Variants in CFAP95 observed in about 807,000 individuals in gnomAD.
The protein encoded by CFAP95 is cilia- and flagella-associated protein 95.
At chr9:69,828,539 C>A in the CFAP95 span, among the ~76,000 whole-genome samples, 13 of 152,032 alleles carry the variant, frequency 8.6e-5, no homozygotes, top group Non-Finnish European at 1.3e-4. Flanking sequence ...AAAAATTAGC[C>A]GGGTGTGGTG....
At chr9:69,841,410 G>C in the CFAP95 span, among the ~76,000 whole-genome samples, 7 of 151,752 alleles carry the variant, frequency 4.6e-5, no homozygotes, top group Non-Finnish European at 8.8e-5. Flanking sequence ...CAAATTATTG[G>C]ATTTGGATTT....
chr9:69,837,384 C>T, the CFAP95 span, among the ~76,000 whole-genome samples: 18 of 151,944 alleles, frequency 1.2e-4, no homozygotes, highest in Admixed American at 1.1e-3. Flanking sequence ...ACATCCTCTC[C>T]AGCACCTGTT....
At chr9:69,884,419 A>G in the CFAP95 span, 1 of 152,170 alleles carries the variant, frequency 6.6e-6, no homozygotes, top group Admixed American at 6.5e-5. Flanking sequence ...CAAGCTACTG[A>G]GCCAGCCAGT....
chr9:69,897,880 G>A, the CFAP95 span, among the ~76,000 whole-genome samples: 4 of 152,170 alleles, frequency 2.6e-5, no homozygotes, highest in Non-Finnish European at 5.9e-5. Flanking sequence ...ATCCTAACCT[G>A]CCTTGCCATG....
the CFAP95 span, among the ~76,000 whole-genome samples, chr9:69,889,343 A>G: frequency 1.1e-3 from 162 of 152,352 alleles, no homozygotes; most frequent in African/African-American, 3.6e-3. Context: ...CCATTTAACG[A>G]GGGTCACAAG....
chr9:69,859,971 G>A, the CFAP95 span, among the ~76,000 whole-genome samples: 24 of 152,160 alleles, frequency 1.6e-4, no homozygotes, highest in Non-Finnish European at 2.5e-4. Context: ...CCTGTATAGG[G>A]CACATGCCAT....
the CFAP95 span, among the ~76,000 whole-genome samples, chr9:69,902,917 T>G: frequency 1.7e-4 from 26 of 152,194 alleles, no homozygotes; most frequent in Non-Finnish European, 2.5e-4. Context: ...CTCCCTTGGT[T>G]TTGACCCATT....
the CFAP95 span, among the ~76,000 whole-genome samples, chr9:69,851,556 C>G: frequency 6.6e-6 from 1 of 152,026 alleles, no homozygotes; most frequent in African/African-American, 2.4e-5. Context: ...TTTCCTTTCC[C>G]CCAGACAACT....
At chr9:69,840,090 A>G in the CFAP95 span, among the ~76,000 whole-genome samples, 1 of 151,868 alleles carries the variant, frequency 6.6e-6, no homozygotes, top group African/African-American at 2.4e-5. Context: ...AAAAAAAAAA[A>G]AGATTGATCA....
At chr9:69,838,901 C>G in the CFAP95 span, among the ~76,000 whole-genome samples, 1 of 57,642 alleles carries the variant, frequency 1.7e-5, no homozygotes, top group Non-Finnish European at 3.8e-5. Context: ...TTTTGAAATA[C>G]GTCCCATCAA....
the CFAP95 span, among the ~76,000 whole-genome samples, chr9:69,854,047 C>T: frequency 2.0e-5 from 3 of 152,230 alleles, no homozygotes; most frequent in Non-Finnish European, 4.4e-5. Context: ...CAACACCAGG[C>T]ACCCAGCTAA....
chr9:69,886,139 C>T, the CFAP95 span, among the ~76,000 whole-genome samples: 1 of 152,172 alleles, frequency 6.6e-6, no homozygotes, highest in Non-Finnish European at 1.5e-5. Flanking sequence ...GGCTGTTAGT[C>T]ACTGAGTAGC....
At chr9:69,831,857 G>A in the CFAP95 span, among the ~76,000 whole-genome samples, 1 of 152,284 alleles carries the variant, frequency 6.6e-6, no homozygotes, top group Middle Eastern at 3.4e-3. Flanking sequence ...GATGCAGAAT[G>A]TGTGGTTGTA....
At chr9:69,838,093 C>A in the CFAP95 span, among the ~76,000 whole-genome samples, 1 of 152,118 alleles carries the variant, frequency 6.6e-6, no homozygotes, top group South Asian at 2.1e-4. Flanking sequence ...TGATCTATAT[C>A]TCTGTTTTGG....
chr9:69,823,155 CA>C, the CFAP95 span, among the ~76,000 whole-genome samples: 16 of 152,166 alleles, frequency 1.1e-4, no homozygotes, highest in African/African-American at 3.6e-4. Flanking sequence ...AAAGGCAAAG[CA>C]AGCACCTTCT....
chr9:69,875,937 T>G, the CFAP95 span, among the ~76,000 whole-genome samples: 3 of 152,210 alleles, frequency 2.0e-5, no homozygotes, highest in East Asian at 3.8e-4. Context: ...ACTGTCATTA[T>G]ACACATCTCC....
chr9:69,852,050 G>T, the CFAP95 span, among the ~76,000 whole-genome samples: 1 of 152,068 alleles, frequency 6.6e-6, no homozygotes, highest in Non-Finnish European at 1.5e-5. Context: ...ATCTTTACAT[G>T]GCACTGCTGA....
At chr9:69,825,243 A>G in the CFAP95 span, among the ~76,000 whole-genome samples, 1 of 152,190 alleles carries the variant, frequency 6.6e-6, no homozygotes, top group Non-Finnish European at 1.5e-5. Context: ...CAGTTAAGTG[A>G]CTGTACATAT....
the CFAP95 span, among the ~76,000 whole-genome samples, chr9:69,848,283 G>A: frequency 6.6e-6 from 1 of 152,256 alleles, no homozygotes; most frequent in Middle Eastern, 3.4e-3. Context: ...AAAATGACAT[G>A]GAATCATTTC....
Sources: allele counts gnomAD v4.1 joint callset (sites outside exome capture counted in the v4.1 genomes callset), GRCh38; gene constraint gnomAD v4.1.1; transcripts MANE v1.5; gene names NCBI Gene and HGNC (gene_info 2026-07-23, HGNC 2026-07-21).